Variants in IL1RAPL2 observed in about 807,000 individuals in gnomAD.
IL1RAPL2 encodes the protein interleukin 1 receptor accessory protein like 2, also known as X-linked interleukin-1 receptor accessory protein-like 2.
In IL1RAPL2, 3 loss-of-function variants were observed where a neutral mutation model predicts 44.1. The observed-to-expected ratio is 0.07, with a 90% confidence interval of 0.03 to 0.18. IL1RAPL2 has a LOEUF of 0.18. Among genes scored for constraint, IL1RAPL2 ranks in the 10% least tolerant of loss-of-function variants. IL1RAPL2 has a pLI of 1.00. For synonymous variants in IL1RAPL2, 181 were observed against 178.8 expected (o/e 1.01, Z -0.10); for missense variants, 391 against 496.4 (o/e 0.79, Z 2.02).
chrX:105,469,514 T>C (rs774540752), intron 5 of IL1RAPL2, among the ~76,000 whole-genome samples: 1 of 110,179 alleles, frequency 9.1e-6, no homozygotes, highest in Admixed American at 9.8e-5. Flanking sequence ...AAATGATTGA[T>C]GTCAAGAGGC....
At chrX:105,463,623 C>T (rs1282317850) in intron 5 of IL1RAPL2, among the ~76,000 whole-genome samples, 1 of 110,095 alleles carries the variant, frequency 9.1e-6, no homozygotes, top group Non-Finnish European at 1.9e-5. Context: ...CACTTGTGCC[C>T]ACGTGGAAGA....
At chrX:105,457,383 A>C in intron 5 of IL1RAPL2, among the ~76,000 whole-genome samples, 1 of 110,365 alleles carries the variant, frequency 9.1e-6, no homozygotes, top group African/African-American at 3.3e-5. Context: ...TGAACTCTGC[A>C]CCCATTAGAT....
chrX:105,440,650 C>G (rs1352394155), intron 5 of IL1RAPL2, among the ~76,000 whole-genome samples: 8 of 112,262 alleles, frequency 7.1e-5, no homozygotes, highest in African/African-American at 2.3e-4. Context: ...GTAATTTTCA[C>G]ATAAGTAATA....
chrX:105,356,580 T>A (rs1178187754), intron 5 of IL1RAPL2, among the ~76,000 whole-genome samples: 1 of 111,700 alleles, frequency 9.0e-6, no homozygotes, highest in Non-Finnish European at 1.9e-5. Flanking sequence ...CTGGTGATAT[T>A]TATTTTACAG....
At chrX:105,508,497 T>C (rs1161181011) in intron 6 of IL1RAPL2, among the ~76,000 whole-genome samples, 3 of 110,368 alleles carry the variant, frequency 2.7e-5, no homozygotes, top group African/African-American at 6.6e-5. Flanking sequence ...GCCTCCATAC[T>C]GCTACTTGAA....
At chrX:104,674,017 C>G (rs1015929390) in intron 2 of IL1RAPL2, among the ~76,000 whole-genome samples, 2 of 111,414 alleles carry the variant, frequency 1.8e-5, no homozygotes, top group Non-Finnish European at 1.9e-5. Context: ...GTGGGGTTTT[C>G]TAGATATACA....
chrX:105,679,237 A>ACTT (rs1296154237), intron 6 of IL1RAPL2, among the ~76,000 whole-genome samples: 1 of 111,676 alleles, frequency 9.0e-6, no homozygotes, highest in Admixed American at 9.6e-5. Context: ...TTTTGTAAAT[A>ACTT]CTTTTTGTTA....
chrX:105,669,574 C>T, intron 6 of IL1RAPL2, among the ~76,000 whole-genome samples: 2 of 111,682 alleles, frequency 1.8e-5, no homozygotes. Context: ...TTTACAATCA[C>T]ATGCAGGTGT....
At chrX:105,371,863 C>T (rs1031389004) in intron 5 of IL1RAPL2, among the ~76,000 whole-genome samples, 2 of 111,445 alleles carry the variant, frequency 1.8e-5, no homozygotes, top group East Asian at 5.7e-4. Context: ...CTAGTCTAGA[C>T]TAGGATATTT....
At chrX:104,952,125 A>G (rs1491001396) in intron 2 of IL1RAPL2, among the ~76,000 whole-genome samples, 2 of 112,118 alleles carry the variant, frequency 1.8e-5, no homozygotes, top group Non-Finnish European at 3.8e-5. Context: ...ATGCAAAATT[A>G]TTGGTGGGGC....
Position 105,673,780 on chromosome X carries a change from C to T in IL1RAPL2, c.773-43587C>T, listed in dbSNP as rs183616317. ...CAATGGTTGAACTAATTTACATTCC[C>T]ACCAACAGTGTAAAAGTGTTCCTCT... is the stretch of plus-strand genomic sequence containing the variant. On this transcript the variant is annotated intron_variant, in intron 6 of 10. Coordinates refer to ENST00000372582, the MANE Select transcript of IL1RAPL2 (RefSeq NM_017416.2). Among the ~76,000 whole-genome samples the T allele has an allele frequency of 1.9e-3, 208 of 112,071 alleles. 1 individual carries two copies. The highest frequency in any genetic ancestry group is 6.4e-3 in the African/African-American group (197 of 30,841).
At position 104,720,226 on chromosome X, in the gene IL1RAPL2, C is replaced by G. The variant is rs145773246; in HGVS notation, c.82+61231C>G. 1.3e-3 allele frequency among the ~76,000 whole-genome samples: 141 copies of G among 111,457 alleles called. 1 individual carries two copies. The East Asian group carries it at 0.035, about 28-fold the overall frequency. ...GCATATCTGTCACAAAATCCAGAAT[C>G]AGAAGCAAATCGACATTGTTGGGTT... On this transcript the variant is annotated intron_variant, in intron 2 of 10. Transcript: ENST00000372582.
chrX:105,390,911 T>C (rs1022588228), intron 5 of IL1RAPL2, among the ~76,000 whole-genome samples: 1 of 111,188 alleles, frequency 9.0e-6, no homozygotes, highest in African/African-American at 3.3e-5. Context: ...GTTATAAAAA[T>C]TAATAAGAAA....
intron 2 of IL1RAPL2, among the ~76,000 whole-genome samples, chrX:104,667,441 G>A (rs1356486373): frequency 9.0e-6 from 1 of 111,218 alleles, no homozygotes; most frequent in Admixed American, 9.6e-5. Context: ...TGCATCGAGT[G>A]CTCCTATATG....
rs753626939 is a variant in IL1RAPL2, at chrX:105,706,925, A to C, written c.773-10442A>C. ...CAGAACAAAAATATTCAAACTTATT[A>C]AATGGCATATAACTGCTACACTCTC... is the stretch of plus-strand genomic sequence containing the variant. On this transcript the variant is annotated intron_variant, in intron 6 of 10. Coordinates refer to ENST00000372582, the MANE Select transcript of IL1RAPL2 (RefSeq NM_017416.2). 6.3e-5 allele frequency among the ~76,000 whole-genome samples: 7 copies of C among 111,829 alleles called. No homozygotes were observed. The South Asian group carries it at 2.6e-3, about 42-fold the overall frequency.
chrX:104,788,070 CAG>C (rs1319169955), intron 2 of IL1RAPL2, among the ~76,000 whole-genome samples: 2 of 111,407 alleles, frequency 1.8e-5, no homozygotes, highest in South Asian at 3.8e-4. Context: ...TGGTGGAACA[CAG>C]GGGATGATTT....
intron 2 of IL1RAPL2, among the ~76,000 whole-genome samples, chrX:105,193,807 G>A (rs2033652470): frequency 8.9e-6 from 1 of 111,732 alleles, no homozygotes; most frequent in Non-Finnish European, 1.9e-5. Flanking sequence ...CTGAATCCTC[G>A]AAGAAAGTTT....
intron 2 of IL1RAPL2, among the ~76,000 whole-genome samples, chrX:104,758,814 T>A (rs1256697900): frequency 8.9e-6 from 1 of 111,981 alleles, no homozygotes; most frequent in Non-Finnish European, 1.9e-5. Flanking sequence ...ACTTTTTCCT[T>A]TTCTTCCTAA....
intron 2 of IL1RAPL2, among the ~76,000 whole-genome samples, chrX:104,660,716 T>A (rs771578650): frequency 9.5e-6 from 1 of 105,456 alleles, no homozygotes; most frequent in East Asian, 3.0e-4. Flanking sequence ...GTGGGTGGAT[T>A]GCTTGTGCTA....
Sources: allele counts gnomAD v4.1 joint callset (sites outside exome capture counted in the v4.1 genomes callset), GRCh38; gene constraint gnomAD v4.1.1; transcripts MANE v1.5; gene names NCBI Gene and HGNC (gene_info 2026-07-23, HGNC 2026-07-21).